The following KIAA1217 variants were observed in gnomAD, a reference collection of about 807,000 sequenced individuals.
KIAA1217 encodes the protein sickle tail protein homolog.
KIAA1217 carries 88 observed loss-of-function variants against 163.9 expected under a neutral mutation model. The ratio of observed to expected loss-of-function variants is 0.54; its 90% CI spans 0.45 to 0.64. The LOEUF is 0.64. KIAA1217 is among the 30% of genes least tolerant of loss of function. The pLI is 0.00. For synonymous variants in KIAA1217, 903 were observed against 923.1 expected, an observed-to-expected ratio of 0.98 and a Z score of 0.39; for missense variants, 2,372 against 2,475.0, an observed-to-expected ratio of 0.96 and a Z score of 0.88.
intron 2 of KIAA1217, among the ~76,000 whole-genome samples, chr10:24,150,534 A>G (rs2064559716): frequency 6.6e-6 from 1 of 152,190 alleles, no homozygotes; most frequent in Non-Finnish European, 1.5e-5. Flanking sequence ...TTCCAAGCCT[A>G]CCATTCCCTC....
intron 1 of KIAA1217, among the ~76,000 whole-genome samples, chr10:23,804,707 T>C (rs934695547): frequency 6.6e-6 from 1 of 152,196 alleles, no homozygotes; most frequent in African/African-American, 2.4e-5. Context: ...CAGCATATGA[T>C]AGAAATATCA....
At chr10:24,119,458 A>G (rs2063192390) in intron 2 of KIAA1217, among the ~76,000 whole-genome samples, 1 of 152,226 alleles carries the variant, frequency 6.6e-6, no homozygotes, top group African/African-American at 2.4e-5. Context: ...ATTTTTAAAA[A>G]AAACAACTCT....
intron 2 of KIAA1217, among the ~76,000 whole-genome samples, chr10:24,175,112 T>G (rs2065812532): frequency 6.6e-6 from 1 of 152,176 alleles, no homozygotes; most frequent in African/African-American, 2.4e-5. Flanking sequence ...TTTGCCCACC[T>G]TGGCCTCCCG....
At chr10:24,031,178 C>T (rs1387505648) in intron 2 of KIAA1217, among the ~76,000 whole-genome samples, 1 of 152,106 alleles carries the variant, frequency 6.6e-6, no homozygotes, top group Admixed American at 6.6e-5. Flanking sequence ...TTTCACATTC[C>T]CACCAACACT....
At chr10:24,432,118 CTTTT>C (rs57893341) in intron 3 of KIAA1217, among the ~76,000 whole-genome samples, 15 of 116,424 alleles carry the variant, frequency 1.3e-4, no homozygotes, top group African/African-American at 2.0e-4. Flanking sequence ...AAGTATCGTC[CTTTT>C]TTTTTTTTTT....
chr10:23,805,250 A>C (rs1836678007), intron 1 of KIAA1217, among the ~76,000 whole-genome samples: 3 of 152,198 alleles, frequency 2.0e-5, no homozygotes, highest in Non-Finnish European at 4.4e-5. Flanking sequence ...ACAATAGCAA[A>C]GACACAGAAT....
chr10:24,169,975 T>G (rs539682891), intron 2 of KIAA1217, among the ~76,000 whole-genome samples: 4 of 152,350 alleles, frequency 2.6e-5, no homozygotes, highest in African/African-American at 9.6e-5. Context: ...AAGGGATACT[T>G]TTCATAAACA....
rs73604464 is a variant in KIAA1217 at position 24,298,092 on chromosome 10, T to C, written c.354+78183T>C. 3.2e-3 allele frequency among the ~76,000 whole-genome samples: 495 copies of C among 152,318 alleles called. 5 individuals are homozygous for C. Among genetic ancestry groups the C allele is most frequent in the African/African-American group, 0.012 (480 of 41,558 alleles). On this transcript the variant is annotated intron_variant, in intron 2 of 20. Transcript: ENST00000376454. ...AAAAATTAAATATATGCTAAATTTT[T>C]CAGGAATGCAATTACCATTTCAATT...
chr10:24,393,264 T>A (rs1054339722), intron 3 of KIAA1217, among the ~76,000 whole-genome samples: 2 of 152,162 alleles, frequency 1.3e-5, no homozygotes, highest in Admixed American at 6.5e-5. Flanking sequence ...ACGTTCTGCA[T>A]TGCTGGAGGG....
upstream of KIAA1217, among the ~76,000 whole-genome samples, chr10:24,205,436 T>G (rs1014641025): frequency 4.2e-5 from 6 of 143,874 alleles, no homozygotes; most frequent in Admixed American, 7.0e-5. Flanking sequence ...GATCGCGCCA[T>G]TGCACTCCAG....
intron 1 of KIAA1217, among the ~76,000 whole-genome samples, chr10:23,824,751 CT>C (rs1430540233): frequency 1.4e-5 from 2 of 144,374 alleles, no homozygotes; most frequent in East Asian, 4.1e-4. Context: ...GTGTAGAGGG[CT>C]TTAAAGTGAA....
chr10:24,343,327 TAAA>T (rs2047335655), intron 2 of KIAA1217, among the ~76,000 whole-genome samples: 1 of 152,132 alleles, frequency 6.6e-6, no homozygotes, highest in Non-Finnish European at 1.5e-5. Flanking sequence ...ACCCAATGAG[TAAA>T]AAAAGCTCAT....
chr10:23,890,148 A>G (rs988332475), intron 1 of KIAA1217, among the ~76,000 whole-genome samples: 10 of 151,682 alleles, frequency 6.6e-5, no homozygotes, highest in African/African-American at 2.4e-4. Flanking sequence ...TATTTCCGTA[A>G]TTAGTCTTAG....
intron 3 of KIAA1217, among the ~76,000 whole-genome samples, chr10:24,406,568 C>T (rs2057246198): frequency 6.6e-6 from 1 of 152,188 alleles, no homozygotes; most frequent in Admixed American, 6.5e-5. Flanking sequence ...AGCTAAAGCT[C>T]TCCAGTTTAT....
intron 1 of KIAA1217, among the ~76,000 whole-genome samples, chr10:23,706,071 A>T (rs1351723059): frequency 6.6e-6 from 1 of 152,166 alleles, no homozygotes; most frequent in East Asian, 1.9e-4. Context: ...TTGCTAGTAT[A>T]TGAAAACACA....
intron 2 of KIAA1217, among the ~76,000 whole-genome samples, chr10:24,099,885 T>G (rs1013022332): frequency 6.6e-6 from 1 of 152,044 alleles, no homozygotes. Flanking sequence ...GATAGGTTAC[T>G]AGTTTTGCCA....
intron 2 of KIAA1217, among the ~76,000 whole-genome samples, chr10:24,086,473 A>G (rs2131670433): frequency 6.6e-6 from 1 of 152,290 alleles, no homozygotes; most frequent in Non-Finnish European, 1.5e-5. Context: ...TCAGATTTTA[A>G]ATAAGGAATA....
At chr10:24,109,624 G>A (rs115737971) in intron 2 of KIAA1217, among the ~76,000 whole-genome samples, 3,500 of 152,162 alleles carry the variant, frequency 0.023, 132 homozygotes, top group African/African-American at 0.08. Flanking sequence ...GGAAATTGAA[G>A]AGTGTTAAAA....
At chr10:24,178,963 T>C (rs908371321) in intron 2 of KIAA1217, among the ~76,000 whole-genome samples, 2 of 152,194 alleles carry the variant, frequency 1.3e-5, no homozygotes, top group Non-Finnish European at 2.9e-5. Flanking sequence ...TTCCTATTAT[T>C]CATTTGCTTA....
Sources: gnomAD v4.1 joint callset for allele counts (sites outside exome capture counted in the v4.1 genomes callset) on GRCh38, gnomAD v4.1.1 for gene constraint, MANE v1.5 for transcripts, NCBI Gene and HGNC (gene_info 2026-07-23, HGNC 2026-07-21) for gene names.